XPO5: variants seen among roughly 807,000 people sequenced by gnomAD.
XPO5 encodes the protein exportin 5.
In XPO5, 46 loss-of-function variants were observed where a neutral mutation model predicts 160.6. The observed-to-expected ratio is 0.29, with a 90% CI of 0.23 to 0.37. The LOEUF (loss-of-function observed/expected upper bound fraction) is 0.37. XPO5 is among the 10% of genes least tolerant of loss of function. The pLI is 1.00. For missense variants in XPO5, 1,090 were observed against 1,463.9 expected, an observed-to-expected ratio of 0.74 and a Z score of 4.17; for synonymous variants, 537 against 519.3, an observed-to-expected ratio of 1.03 and a Z score of -0.46.
At chr6:43,557,183 T>C (rs1210953960) in intron 12 of XPO5, among the ~76,000 whole-genome samples, 3 of 146,778 alleles carry the variant, frequency 2.0e-5, no homozygotes, top group Non-Finnish European at 4.5e-5. Context: ...TCCTAGTACT[T>C]TGGGAAGCCG....
At position 43,533,993 on chromosome 6, in the gene XPO5, A is replaced by G; in HGVS notation, c.2357T>C (p.Leu786Ser). 1 of 1,601,624 alleles carries G rather than the reference A, an allele frequency of 6.2e-7. No homozygotes were observed. The highest frequency in any genetic ancestry group is 8.5e-7 in the Non-Finnish European group (1 of 1,172,142). Residue 786 changes from leucine to serine, a missense_variant, in exon 21 of 32, where the codon TTA becomes TCA. Transcript: ENST00000265351. ...TTTGGCTAGCATTTCTGGTGCATAT[A>G]ATGTATTGTGGGTTCTGAAAGAAAC... ...LLALIRTHNT[L>S]YAPEMLAKMA...
chr6:43,528,349 A>T (rs901758622), intron 24 of XPO5, 144 bp from the exon 25 acceptor site: 1 of 752,976 alleles, frequency 1.3e-6, no homozygotes, highest in African/African-American at 1.8e-5. Context: ...TCCACACCAC[A>T]AGGTTAAAAA....
chr6:43,575,242 GAC>G (rs1231674284), intron 1 of XPO5, among the ~76,000 whole-genome samples: 4 of 152,214 alleles, frequency 2.6e-5, no homozygotes, highest in African/African-American at 9.7e-5. Context: ...AAATGTCCAA[GAC>G]ACAAACGAAA....
At chr6:43,537,826 G>T (rs1794429730) in intron 20 of XPO5, among the ~76,000 whole-genome samples, 4 of 152,084 alleles carry the variant, frequency 2.6e-5, no homozygotes, top group Non-Finnish European at 2.9e-5. Context: ...CAGCACTTTG[G>T]GAGGCTGAGG....
chr6:43,528,730 G>A (rs1793757773), intron 24 of XPO5, 98 bp downstream of exon 24: 3 of 1,182,154 alleles, frequency 2.5e-6, no homozygotes. Flanking sequence ...GGCAGGGCTA[G>A]TAGACAACAC....
At chr6:43,574,287 G>C (rs73426795) in intron 1 of XPO5, among the ~76,000 whole-genome samples, 221 of 152,162 alleles carry the variant, frequency 1.5e-3, no homozygotes, top group Middle Eastern at 6.8e-3. Flanking sequence ...TGGACAACCA[G>C]AGTGAGACCC....
chr6:43,574,780 A>C (rs1763212091), intron 1 of XPO5, among the ~76,000 whole-genome samples: 2 of 152,324 alleles, frequency 1.3e-5, no homozygotes, highest in South Asian at 4.1e-4. Context: ...AACATGCAGA[A>C]TCACTGTCGT....
At chr6:43,554,923 G>A (rs1458450058) in intron 13 of XPO5, 1 of 150,264 alleles carries the variant, frequency 6.7e-6, no homozygotes, top group African/African-American at 2.5e-5. Flanking sequence ...GCAGTGACGT[G>A]CACTAGTTAA....
chr6:43,567,250 C>T lies in XPO5; in HGVS notation c.753G>A (p.Leu251=). The stretch of plus-strand genomic sequence containing the variant: ...CATTCAACAGCAAACACAGTATCTC[C>T]AGGAGTTTACAGTTTTCAGCAGTGA... ...SHITAENCKL[L]EILCLLLNEQ... Residue 251 remains leucine (L), a synonymous_variant, in exon 7 of 32, where the codon CTG becomes CTA. Coordinates refer to ENST00000265351, the MANE Select transcript of XPO5 (RefSeq NM_020750.3). 2 of 1,613,984 alleles carry T rather than the reference C, an allele frequency of 1.2e-6. No individual in the cohort carries two copies. The highest frequency in any genetic ancestry group is 8.5e-7 in the Non-Finnish European group (1 of 1,179,874).
intron 5 of XPO5, among the ~76,000 whole-genome samples, chr6:43,569,007 T>G (rs1762848707): frequency 6.6e-6 from 1 of 152,212 alleles, no homozygotes; most frequent in Non-Finnish European, 1.5e-5. Context: ...AAATACTGGA[T>G]GTTGGCCAGG....
At chr6:43,532,623 A>G (rs1047739821) in intron 21 of XPO5, among the ~76,000 whole-genome samples, 5 of 152,222 alleles carry the variant, frequency 3.3e-5, no homozygotes, top group Middle Eastern at 3.4e-3. Context: ...GTTTGTCCAG[A>G]ATGCCCAGCA....
At position 43,575,911 on chromosome 6, in the gene XPO5, C is replaced by T. The variant is rs144956208; in HGVS notation, c.-47G>A. 2 of 1,585,396 alleles carry T rather than the reference C, an allele frequency of 1.3e-6. No homozygotes were observed. Among genetic ancestry groups the T allele is most frequent in the Non-Finnish European group, 1.7e-6 (2 of 1,158,932 alleles). Reference sequence around the variant, plus strand: ...GCGCACACCACTGCAGTCCCGGGACCACGAGGCACGACAGCTCCCTCGGCG... The same window carrying T: ...GCGCACACCACTGCAGTCCCGGGACTACGAGGCACGACAGCTCCCTCGGCG... On this transcript the variant is annotated 5_prime_UTR_variant, in exon 1 of 32. Coordinates refer to ENST00000265351, the MANE Select transcript of XPO5 (RefSeq NM_020750.3).
At chr6:43,570,311 CAAAAAA>C (rs70990200) in intron 5 of XPO5, among the ~76,000 whole-genome samples, 185 bp downstream of exon 5, 2 of 77,194 alleles carry the variant, frequency 2.6e-5, no homozygotes, top group African/African-American at 4.5e-5. Context: ...GCCTCCGTCT[CAAAAAA>C]AAAAAAAAAA....
At chr6:43,527,583 C>T (rs1793680064) in intron 26 of XPO5, 51 bp downstream of exon 26, 3 of 1,591,766 alleles carry the variant, frequency 1.9e-6, no homozygotes, top group Non-Finnish European at 2.6e-6. Context: ...GAGCGACCAG[C>T]TCTTCTTCCA....
At chr6:43,537,074 C>G (rs570537308) in intron 20 of XPO5, among the ~76,000 whole-genome samples, 4 of 152,116 alleles carry the variant, frequency 2.6e-5, no homozygotes, top group Admixed American at 2.6e-4. Flanking sequence ...TCAAGTGGCC[C>G]TTCCACCTCA....
chr6:43,532,277 C>G (rs1331138279), intron 21 of XPO5, among the ~76,000 whole-genome samples: 2 of 152,202 alleles, frequency 1.3e-5, no homozygotes, highest in Non-Finnish European at 2.9e-5. Flanking sequence ...ACTATCTAGG[C>G]TGAAACAGAC....
chr6:43,529,203 C>A, intron 23 of XPO5: 1 of 1,431,860 alleles, frequency 7.0e-7, no homozygotes, highest in Non-Finnish European at 9.4e-7. Context: ...GGAAGGAGGA[C>A]ATCCTTGTAA....
In XPO5 at chr6:43,541,664, C is replaced by T. The variant is rs374546205; in HGVS notation, c.2342+4907G>A. On this transcript the variant is annotated intron_variant, in intron 20 of 31. Transcript: ENST00000265351. ...GATATTTCATAAAAATGAAATCATACAACATATGGCCTTTTGTGTCTGGCT... is the reference window on the plus strand; with the variant it reads ...GATATTTCATAAAAATGAAATCATATAACATATGGCCTTTTGTGTCTGGCT... 8.5e-5 allele frequency among the ~76,000 whole-genome samples: 13 copies of T among 152,318 alleles called. No homozygotes were observed. The South Asian group carries it at 2.5e-3, about 29-fold the overall frequency.
intron 20 of XPO5, among the ~76,000 whole-genome samples, chr6:43,538,316 CT>C (rs1272817064): frequency 3.3e-5 from 5 of 151,434 alleles, no homozygotes; most frequent in Non-Finnish European, 5.9e-5. Flanking sequence ...CACCTGGTTA[CT>C]TTTTTAAATT....
Sources: allele counts gnomAD v4.1 joint callset (sites outside exome capture counted in the v4.1 genomes callset), GRCh38; gene constraint gnomAD v4.1.1; transcripts MANE v1.5; gene names NCBI Gene and HGNC (gene_info 2026-07-23, HGNC 2026-07-21).